ERBB4: variants seen among roughly 807,000 people sequenced by gnomAD.
The protein encoded by ERBB4 is receptor tyrosine-protein kinase erbB-4.
Under a neutral mutation model 158.0 loss-of-function variants are expected in ERBB4, and 42 were observed. That is an observed-to-expected ratio of 0.27 (90% CI 0.21 to 0.34). ERBB4 has a LOEUF of 0.34. ERBB4 is among the 10% of genes least tolerant of loss of function. The pLI, the probability that ERBB4 is intolerant of heterozygous loss-of-function variation, is 1.00. For synonymous variants in ERBB4, 583 were observed against 558.7 expected, an observed-to-expected ratio of 1.04 and a Z score of -0.61; for missense variants, 1,333 against 1,624.1, an observed-to-expected ratio of 0.82 and a Z score of 3.08.
chr2:212,206,546 T>A (rs1237018572), intron 1 of ERBB4, among the ~76,000 whole-genome samples: 2 of 151,574 alleles, frequency 1.3e-5, no homozygotes, highest in Non-Finnish European at 2.9e-5. Flanking sequence ...CTAATGACAT[T>A]TTTGGTTCAC....
chr2:212,406,758 A>G (rs557551079), intron 1 of ERBB4, among the ~76,000 whole-genome samples: 38 of 152,236 alleles, frequency 2.5e-4, no homozygotes, highest in Admixed American at 7.2e-4. Flanking sequence ...AAAAATACCA[A>G]TACTTGCATT....
intron 1 of ERBB4, among the ~76,000 whole-genome samples, chr2:212,126,033 C>T (rs1470037839): frequency 1.3e-5 from 2 of 152,054 alleles, no homozygotes; most frequent in South Asian, 2.1e-4. Flanking sequence ...AAAAATACAA[C>T]TTTTATTGTT....
intron 3 of ERBB4, among the ~76,000 whole-genome samples, chr2:211,841,607 TTCATA>T (rs1240847856): frequency 6.6e-6 from 1 of 152,000 alleles, no homozygotes; most frequent in Non-Finnish European, 1.5e-5. Context: ...TCTGATACAT[TTCATA>T]TATTATTTTA....
chr2:212,478,657 A>C (rs1026590914), intron 1 of ERBB4, among the ~76,000 whole-genome samples: 1 of 152,016 alleles, frequency 6.6e-6, no homozygotes, highest in African/African-American at 2.4e-5. Context: ...TATAAATATC[A>C]GTTCCAATGG....
chr2:212,389,408 G>C (rs1357507191), intron 1 of ERBB4, among the ~76,000 whole-genome samples: 1 of 151,946 alleles, frequency 6.6e-6, no homozygotes, highest in Non-Finnish European at 1.5e-5. Flanking sequence ...CATTAGTAAA[G>C]CCTGAAAATA....
At chr2:212,149,462 A>G (rs147558175) in intron 1 of ERBB4, among the ~76,000 whole-genome samples, 3 of 152,346 alleles carry the variant, frequency 2.0e-5, no homozygotes, top group African/African-American at 4.8e-5. Context: ...CAACTTATGA[A>G]ATCGGATAAT....
In ERBB4 at chr2:211,644,492, G is replaced by C. The variant is rs539087860; in HGVS notation, c.1946+13262C>G. Among the ~76,000 whole-genome samples, 7 of 151,870 alleles carry C rather than the reference G, an allele frequency of 4.6e-5. No individual in the cohort carries two copies. The South Asian group carries it at 1.5e-3, about 32-fold the overall frequency. On this transcript the variant is annotated intron_variant, in intron 16 of 27. Transcript: ENST00000342788. ...GAACCTAAGCATTTCAAACAACATT[G>C]AAATAATATAATGCCAAGACAACTT... is the stretch of plus-strand genomic sequence containing the variant.
At chr2:211,781,404 T>G (rs981361113) in intron 4 of ERBB4, among the ~76,000 whole-genome samples, 1 of 152,168 alleles carries the variant, frequency 6.6e-6, no homozygotes, top group Admixed American at 6.5e-5. Flanking sequence ...CTCTCCCACT[T>G]CAGTTGTTAG....
chr2:212,210,731 C>T (rs1205884281), intron 1 of ERBB4, among the ~76,000 whole-genome samples: 1 of 152,088 alleles, frequency 6.6e-6, no homozygotes, highest in Non-Finnish European at 1.5e-5. Flanking sequence ...TTTCCCTTCA[C>T]CACCTACTCC....
intron 2 of ERBB4, among the ~76,000 whole-genome samples, chr2:211,960,081 T>C (rs1386459156): frequency 5.9e-5 from 9 of 152,140 alleles, no homozygotes; most frequent in Admixed American, 5.9e-4. Context: ...GGTTGTTAAG[T>C]GTTCCACAGG....
At chr2:212,018,530 G>A (rs1022097592) in intron 2 of ERBB4, among the ~76,000 whole-genome samples, 1 of 152,140 alleles carries the variant, frequency 6.6e-6, no homozygotes, top group African/African-American at 2.4e-5. Flanking sequence ...AAACATTAAT[G>A]TCTAGTTCAT....
intron 2 of ERBB4, among the ~76,000 whole-genome samples, chr2:212,104,126 C>T (rs2079158865): frequency 6.6e-6 from 1 of 152,020 alleles, no homozygotes; most frequent in South Asian, 2.1e-4. Context: ...AGCCCAGTGT[C>T]ATGCTTCTCA....
chr2:212,198,568 C>T (rs2082497283), intron 1 of ERBB4, among the ~76,000 whole-genome samples: 1 of 151,856 alleles, frequency 6.6e-6, no homozygotes, highest in African/African-American at 2.4e-5. Flanking sequence ...TAATATTATA[C>T]TGTATCTGCC....
chr2:211,906,112 G>A (rs1234874349), intron 3 of ERBB4, among the ~76,000 whole-genome samples: 1 of 152,062 alleles, frequency 6.6e-6, no homozygotes, highest in East Asian at 1.9e-4. Flanking sequence ...TATGGCTGTT[G>A]TGTACAAAAT....
At chr2:211,915,438 C>CATATATATATATAT (rs78546007) in intron 3 of ERBB4, among the ~76,000 whole-genome samples, 1 of 147,534 alleles carries the variant, frequency 6.8e-6, no homozygotes, top group Admixed American at 6.8e-5. Flanking sequence ...TCAAACATTA[C>CATATATATATATAT]ATATATATAT....
chr2:211,424,417 T>TA (rs374110275), intron 22 of ERBB4, 116 bp from the exon 23 acceptor site: 9,802 of 533,818 alleles, frequency 0.018, no homozygotes, highest in South Asian at 0.027. Context: ...ACCAATCAAT[T>TA]AAAAAAAAAA....
chr2:211,383,357 C>T lies in ERBB4; in HGVS notation c.*258G>A. On this transcript the variant is annotated 3_prime_UTR_variant, in exon 28 of 28. Coordinates refer to ENST00000342788, the MANE Select transcript of ERBB4 (RefSeq NM_005235.3). ...CATTGCCTTACATTTTCTGGTCCTT[C>T]TCTAGCTGTTTCATTCTCCTGACCA... The T allele has an allele frequency of 2.1e-6, 1 of 467,710 alleles. No homozygotes were observed. The highest frequency in any genetic ancestry group is 3.5e-5 in the East Asian group (1 of 28,636). 29.0% of individuals were successfully genotyped at this position (467,710 alleles called of 1,614,324 possible). A position where few individuals can be genotyped will look rare whatever the true frequency, so the allele number is the denominator to read the frequency against.
intron 2 of ERBB4, among the ~76,000 whole-genome samples, chr2:212,111,138 A>G (rs750511147): frequency 2.6e-4 from 39 of 152,186 alleles, no homozygotes; most frequent in Non-Finnish European, 4.4e-4. Flanking sequence ...TGGACGACAC[A>G]TCTGCCAAAT....
intron 12 of ERBB4, among the ~76,000 whole-genome samples, chr2:211,691,099 G>A (rs1478493335): frequency 1.3e-5 from 2 of 152,066 alleles, no homozygotes; most frequent in Admixed American, 6.6e-5. Context: ...ATATTGAAAT[G>A]TATTTGGACA....
Sources: gnomAD v4.1 joint callset for allele counts (sites outside exome capture counted in the v4.1 genomes callset) on GRCh38, gnomAD v4.1.1 for gene constraint, MANE v1.5 for transcripts, NCBI Gene and HGNC (gene_info 2026-07-23, HGNC 2026-07-21) for gene names.